LRRC37A2: variants seen among roughly 807,000 people sequenced by gnomAD.
The protein encoded by LRRC37A2 is leucine rich repeat containing 37 member A2, also known as leucine-rich repeat-containing protein 37A2.
LRRC37A2 carries 9 observed loss-of-function variants against 68.8 expected under a neutral mutation model. The observed-to-expected ratio is 0.13, with a 90% confidence interval of 0.08 to 0.23. The LOEUF (loss-of-function observed/expected upper bound fraction) is 0.23. Among genes scored for constraint, LRRC37A2 ranks in the 10% least tolerant of loss-of-function variants. LRRC37A2 has a pLI of 1.00. For missense variants in LRRC37A2, 168 were observed against 950.4 expected (o/e 0.18, Z 10.82); for synonymous variants, 63 against 367.6 (o/e 0.17, Z 9.48).
At chr17:47,000,076 A>AAATAAAATATAAAATAAAATAT in the LRRC37A2 span, among the ~76,000 whole-genome samples, 17 of 25,514 alleles carry the variant, frequency 6.7e-4, 1 homozygote, top group South Asian at 5.1e-3. Context: ...AAATAAAATA[A>AAATAAAATATAAAATAAAATAT]AAAATAAAAT....
chr17:46,881,163 T>C, the LRRC37A2 span, among the ~76,000 whole-genome samples: 1 of 152,214 alleles, frequency 6.6e-6, no homozygotes. Context: ...GTCTCCTGGC[T>C]CAGGCCTGCC....
the LRRC37A2 span, among the ~76,000 whole-genome samples, chr17:46,790,198 T>C: frequency 6.6e-6 from 1 of 152,298 alleles, no homozygotes; most frequent in East Asian, 1.9e-4. Context: ...GCTTTAGCTC[T>C]GTCCTCTCCT....
chr17:46,744,795 T>C, the LRRC37A2 span, among the ~76,000 whole-genome samples: 1 of 152,310 alleles, frequency 6.6e-6, no homozygotes, highest in Non-Finnish European at 1.5e-5. Context: ...AAGTGTTTTT[T>C]TTGAAGGATC....
At chr17:46,953,492 GTGCCGC>G in the LRRC37A2 span, among the ~76,000 whole-genome samples, 1 of 152,148 alleles carries the variant, frequency 6.6e-6, no homozygotes, top group Non-Finnish European at 1.5e-5. Context: ...ATTGTGAATA[GTGCCGC>G]AATAAACATA....
At chr17:46,805,497 G>A in the LRRC37A2 span, among the ~76,000 whole-genome samples, 3 of 152,222 alleles carry the variant, frequency 2.0e-5, no homozygotes, top group South Asian at 2.1e-4. Context: ...CGCTTGAACC[G>A]GGGAGGTGGA....
chr17:46,946,320 G>C, the LRRC37A2 span, among the ~76,000 whole-genome samples: 1 of 150,902 alleles, frequency 6.6e-6, no homozygotes, highest in East Asian at 1.9e-4. Flanking sequence ...AAAATGCCAG[G>C]AGTGGTGGCG....
At chr17:46,942,440 G>A in the LRRC37A2 span, among the ~76,000 whole-genome samples, 8 of 152,332 alleles carry the variant, frequency 5.3e-5, no homozygotes, top group South Asian at 4.1e-4. Context: ...ACAGGAGTCC[G>A]AGAGGAGCTG....
At chr17:46,735,945 CA>C in the LRRC37A2 span, among the ~76,000 whole-genome samples, 2 of 151,748 alleles carry the variant, frequency 1.3e-5, no homozygotes, top group African/African-American at 4.8e-5. Context: ...GACTCTGTCT[CA>C]AAAAAAGAAT....
At chr17:46,501,008 C>T in the LRRC37A2 span, among the ~76,000 whole-genome samples, 4 of 151,096 alleles carry the variant, frequency 2.6e-5, no homozygotes, top group African/African-American at 4.9e-5. Context: ...GGTGAGACCC[C>T]GTCTCTACTA....
At chr17:46,863,549 G>T in the LRRC37A2 span, among the ~76,000 whole-genome samples, 1 of 152,154 alleles carries the variant, frequency 6.6e-6, no homozygotes, top group Non-Finnish European at 1.5e-5. Context: ...GAGGGGGATG[G>T]GGCTGGCAAG....
chr17:46,893,785 A>C, the LRRC37A2 span, among the ~76,000 whole-genome samples: 211 of 152,302 alleles, frequency 1.4e-3, no homozygotes, highest in African/African-American at 4.8e-3. Flanking sequence ...AGAAAGAAGC[A>C]AAGAGCCCAA....
At chr17:46,792,336 C>T in the LRRC37A2 span, among the ~76,000 whole-genome samples, 10 of 152,126 alleles carry the variant, frequency 6.6e-5, 1 homozygote, top group Admixed American at 6.5e-4. Context: ...GGTGATTACC[C>T]ATAATGAATA....
chr17:46,754,234 C>T, the LRRC37A2 span, among the ~76,000 whole-genome samples: 1 of 145,878 alleles, frequency 6.9e-6, no homozygotes, highest in Non-Finnish European at 1.5e-5. Flanking sequence ...CTTTTGTTAG[C>T]TATTCACACT....
the LRRC37A2 span, among the ~76,000 whole-genome samples, chr17:46,998,127 A>G: frequency 2.0e-5 from 3 of 152,330 alleles, no homozygotes; most frequent in African/African-American, 7.2e-5. Flanking sequence ...GACATAAAAC[A>G]GTTGGAAATT....
the LRRC37A2 span, among the ~76,000 whole-genome samples, chr17:46,990,253 C>G: frequency 6.6e-6 from 1 of 152,194 alleles, no homozygotes. Context: ...ACTTTTAGAA[C>G]CCTGGACGCT....
chr17:46,743,080 A>G, the LRRC37A2 span, among the ~76,000 whole-genome samples: 1 of 152,062 alleles, frequency 6.6e-6, no homozygotes, highest in Non-Finnish European at 1.5e-5. Context: ...CCCCACTGCC[A>G]TGACTCCTTC....
the LRRC37A2 span, among the ~76,000 whole-genome samples, chr17:46,850,348 C>T: frequency 2.6e-5 from 4 of 152,276 alleles, no homozygotes; most frequent in South Asian, 4.1e-4. Flanking sequence ...GTAATCACTG[C>T]GCTCATTTGA....
At chr17:46,826,316 G>T in the LRRC37A2 span, among the ~76,000 whole-genome samples, 1 of 152,234 alleles carries the variant, frequency 6.6e-6, no homozygotes, top group East Asian at 1.9e-4. Flanking sequence ...ATGGATGGAG[G>T]CCCAGTGGGC....
chr17:46,837,949 G>T, the LRRC37A2 span, among the ~76,000 whole-genome samples: 3 of 152,174 alleles, frequency 2.0e-5, no homozygotes, highest in African/African-American at 4.8e-5. Context: ...ACTCAGAGGG[G>T]CTTCATGGGT....
Sources: gnomAD v4.1 joint callset for allele counts (sites outside exome capture counted in the v4.1 genomes callset) on GRCh38, gnomAD v4.1.1 for gene constraint, MANE v1.5 for transcripts, NCBI Gene and HGNC (gene_info 2026-07-23, HGNC 2026-07-21) for gene names.